NAALADL2: variants seen among roughly 807,000 people sequenced by gnomAD.
NAALADL2 encodes the protein inactive N-acetylated-alpha-linked acidic dipeptidase-like protein 2.
Under a neutral mutation model 87.2 loss-of-function variants are expected in NAALADL2, and 76 were observed. The observed-to-expected ratio is 0.87, with a 90% CI of 0.72 to 1.05. The LOEUF (loss-of-function observed/expected upper bound fraction) is 1.05. Ranked by LOEUF, NAALADL2 falls within the 50% of genes least tolerant of loss-of-function variation. The pLI, the probability that NAALADL2 is intolerant of heterozygous loss-of-function variation, is 0.00. For missense variants in NAALADL2, 1,089 were observed against 945.8 expected (o/e 1.15, Z -1.99); for synonymous variants, 354 against 331.0 (o/e 1.07, Z -0.75).
At chr3:174,707,567 G>A (rs1156512639) in intron 2 of NAALADL2, among the ~76,000 whole-genome samples, 3 of 149,934 alleles carry the variant, frequency 2.0e-5, no homozygotes, top group Admixed American at 6.8e-5. Flanking sequence ...AACACCGCAT[G>A]TTCTCACTCA....
chr3:175,735,830 G>A (rs1442066226), intron 11 of NAALADL2, among the ~76,000 whole-genome samples: 1 of 152,128 alleles, frequency 6.6e-6, no homozygotes, highest in Admixed American at 6.5e-5. Flanking sequence ...TTTGCACCTT[G>A]TTGAATATAT....
chr3:174,473,288 A>G (rs1448376996), intron 1 of NAALADL2, among the ~76,000 whole-genome samples: 1 of 152,128 alleles, frequency 6.6e-6, no homozygotes, highest in Non-Finnish European at 1.5e-5. Flanking sequence ...CTCTGTGACA[A>G]TCATAGATGA....
At chr3:175,017,212 A>G (rs1750947887) in intron 1 of NAALADL2, among the ~76,000 whole-genome samples, 1 of 151,922 alleles carries the variant, frequency 6.6e-6, no homozygotes, top group Non-Finnish European at 1.5e-5. Flanking sequence ...ATATAACTTA[A>G]TACCGTATAT....
chr3:175,171,923 T>C (rs938427992), intron 2 of NAALADL2, among the ~76,000 whole-genome samples: 2 of 152,044 alleles, frequency 1.3e-5, no homozygotes, highest in African/African-American at 2.4e-5. Flanking sequence ...TGGGTGGCAG[T>C]TGGGGGGATA....
chr3:174,690,724 T>C (rs1728497797), intron 2 of NAALADL2, among the ~76,000 whole-genome samples: 1 of 152,140 alleles, frequency 6.6e-6, no homozygotes, highest in Non-Finnish European at 1.5e-5. Flanking sequence ...AATAAAAGGG[T>C]AGGAGCACTC....
At chr3:175,647,375 A>G (rs568019598) in intron 11 of NAALADL2, among the ~76,000 whole-genome samples, 6 of 152,112 alleles carry the variant, frequency 3.9e-5, no homozygotes, top group Non-Finnish European at 7.4e-5. Context: ...TTAAAAAAAG[A>G]CAGAAATGTA....
chr3:174,997,893 C>G (rs767971868), intron 1 of NAALADL2, among the ~76,000 whole-genome samples: 1 of 151,640 alleles, frequency 6.6e-6, no homozygotes, highest in Non-Finnish European at 1.5e-5. Flanking sequence ...AAATAGAAAC[C>G]AAAGAAGAAA....
chr3:175,058,892 T>C (rs1712816752), intron 1 of NAALADL2, among the ~76,000 whole-genome samples: 1 of 152,288 alleles, frequency 6.6e-6, no homozygotes, highest in South Asian at 2.1e-4. Flanking sequence ...GAAAAAGTAG[T>C]GAATAGATTA....
intron 1 of NAALADL2, among the ~76,000 whole-genome samples, chr3:174,453,437 C>A (rs1227991241): frequency 6.6e-6 from 1 of 152,084 alleles, no homozygotes; most frequent in East Asian, 1.9e-4. Context: ...AAATACTTCA[C>A]AAGAAGATCA....
chr3:175,140,693 G>T (rs919962684), intron 2 of NAALADL2, among the ~76,000 whole-genome samples: 2 of 152,148 alleles, frequency 1.3e-5, no homozygotes, highest in African/African-American at 4.8e-5. Context: ...TGACATAACG[G>T]AGAATGTTGA....
intron 2 of NAALADL2, among the ~76,000 whole-genome samples, chr3:174,606,263 C>T (rs1719047607): frequency 6.6e-6 from 1 of 152,214 alleles, no homozygotes; most frequent in South Asian, 2.1e-4. Flanking sequence ...AGCAGAGCGC[C>T]TCTCCTCCTG....
intron 1 of NAALADL2, among the ~76,000 whole-genome samples, chr3:174,478,430 GATAAA>G (rs1448134848): frequency 6.6e-6 from 1 of 151,922 alleles, no homozygotes; most frequent in Non-Finnish European, 1.5e-5. Context: ...TGTATATATA[GATAAA>G]ATAATGTTTA....
chr3:175,763,028 G>A (rs1304792237), intron 13 of NAALADL2, among the ~76,000 whole-genome samples: 1 of 152,060 alleles, frequency 6.6e-6, no homozygotes, highest in South Asian at 2.1e-4. Flanking sequence ...AGCTTGCAGT[G>A]AGCCGAGATG....
intron 5 of NAALADL2, among the ~76,000 whole-genome samples, chr3:175,348,480 C>T (rs1299541051): frequency 6.6e-6 from 1 of 152,152 alleles, no homozygotes; most frequent in African/African-American, 2.4e-5. Context: ...AAAGTGTTCT[C>T]TCACAGTTCT....
chr3:175,376,565 TA>T (rs1767150108), intron 5 of NAALADL2, among the ~76,000 whole-genome samples: 1 of 152,164 alleles, frequency 6.6e-6, no homozygotes, highest in African/African-American at 2.4e-5. Context: ...TTATTGACCT[TA>T]AGCCATTTGG....
intron 9 of NAALADL2, among the ~76,000 whole-genome samples, chr3:175,510,014 A>G (rs868645784): frequency 3.4e-4 from 23 of 67,658 alleles, no homozygotes; most frequent in Non-Finnish European, 6.3e-4. Context: ...CCCCCACCCC[A>G]CAACAGTCCC....
At chr3:175,258,592 A>G (rs1256431597) in intron 4 of NAALADL2, among the ~76,000 whole-genome samples, 1 of 152,162 alleles carries the variant, frequency 6.6e-6, no homozygotes, top group Non-Finnish European at 1.5e-5. Context: ...AGACTATTAA[A>G]CCTATCACTC....
At chr3:175,131,782 C>G (rs1359503286) in intron 2 of NAALADL2, among the ~76,000 whole-genome samples, 1 of 148,906 alleles carries the variant, frequency 6.7e-6, no homozygotes. Flanking sequence ...CTGACCCCCC[C>G]ACCTCCCTCC....
In NAALADL2 at chr3:175,698,425, G is replaced by GTGTATATATTTATGTATGTATACATATA. The variant is rs1560995365; in HGVS notation, c.1897-38880_1897-38879insGTATATATTTATGTATGTATACATATAT. 7.0e-5 allele frequency among the ~76,000 whole-genome samples: 6 copies of GTGTATATATTTATGTATGTATACATATA among 85,462 alleles called. 2 individuals are homozygous for GTGTATATATTTATGTATGTATACATATA. The highest frequency in any genetic ancestry group is 1.1e-4 in the Non-Finnish European group (5 of 47,542). The allele number at this position is 85,462 out of a possible 152,430, so 56.1% of individuals were successfully genotyped here. On this transcript the variant is annotated intron_variant, in intron 11 of 13. Transcript: ENST00000454872. ...TGTGTATTTATGTATGTATACATAT[G>GTGTATATATTTATGTATGTATACATATA]TATGTGTATATATTTATGTATGTAT... is the stretch of plus-strand genomic sequence containing the variant.
Sources: allele counts gnomAD v4.1 joint callset (sites outside exome capture counted in the v4.1 genomes callset), GRCh38; gene constraint gnomAD v4.1.1; transcripts MANE v1.5; gene names NCBI Gene and HGNC (gene_info 2026-07-23, HGNC 2026-07-21).